Variants in BAZ1B observed in about 807,000 individuals in gnomAD.
The protein encoded by BAZ1B is tyrosine-protein kinase BAZ1B.
A neutral mutation model predicts 153.8 loss-of-function variants in BAZ1B; 22 were observed. The observed-to-expected ratio is 0.14, with a 90% confidence interval of 0.10 to 0.20. The LOEUF is 0.20. Ranked by LOEUF, BAZ1B falls within the 10% of genes least tolerant of loss-of-function variation. The pLI is 1.00. For synonymous variants in BAZ1B, 676 were observed against 633.4 expected (o/e 1.07, Z -1.01); for missense variants, 1,325 against 1,799.3 (o/e 0.74, Z 4.77).
chr7:73,485,331 G>A (rs1789361174), intron 6 of BAZ1B, among the ~76,000 whole-genome samples: 1 of 152,104 alleles, frequency 6.6e-6, no homozygotes, highest in African/African-American at 2.4e-5. Flanking sequence ...TATATAGACA[G>A]CAGATTAGGC....
At chr7:73,488,822 G>A (rs1323168097) in intron 6 of BAZ1B, among the ~76,000 whole-genome samples, 3 of 151,818 alleles carry the variant, frequency 2.0e-5, no homozygotes, top group Non-Finnish European at 2.9e-5. Flanking sequence ...TTTCAAGGCT[G>A]CCACTGTATG....
intron 12 of BAZ1B, among the ~76,000 whole-genome samples, chr7:73,460,106 T>C (rs182305876): frequency 1.1e-3 from 173 of 150,666 alleles, no homozygotes; most frequent in Admixed American, 1.6e-3. Context: ...GGAGAATCAC[T>C]TGAACCCGGG....
chr7:73,440,450 C>T lies in BAZ1B; in HGVS notation c.*1259G>A, dbSNP rs1787566359. 1 of 151,272 alleles carries T rather than the reference C, an allele frequency of 6.6e-6. No individual in the cohort carries two copies. The highest frequency in any genetic ancestry group is 1.5e-5 in the Non-Finnish European group (1 of 67,888). The allele number at this position is 151,272 out of a possible 1,614,324, so 9.4% of individuals were successfully genotyped here. A position where few individuals can be genotyped will look rare whatever the true frequency, so the allele number is the denominator to read the frequency against. ...AGTACATGAGGTTTATTTGAAATTC[C>T]AATTTATTACAAGTTCACCCTTTAA... is the stretch of plus-strand genomic sequence containing the variant. On this transcript the variant is annotated 3_prime_UTR_variant, in exon 20 of 20. Coordinates refer to ENST00000339594, the MANE Select transcript of BAZ1B (RefSeq NM_032408.4).
intron 1 of BAZ1B, among the ~76,000 whole-genome samples, chr7:73,512,027 T>TG (rs1790602874): frequency 3.8e-5 from 1 of 26,382 alleles, no homozygotes; most frequent in Non-Finnish European, 6.2e-5. Flanking sequence ...AAACTCCACC[T>TG]CAAAAAAAAA....
chr7:73,465,690 T>C (rs1165823115), intron 10 of BAZ1B, among the ~76,000 whole-genome samples, 153 bp from the exon 11 acceptor site: 2 of 152,138 alleles, frequency 1.3e-5, no homozygotes, highest in Non-Finnish European at 2.9e-5. Flanking sequence ...AATAAGTAAT[T>C]TACTATTTTC....
intron 13 of BAZ1B, 36 bp downstream of exon 13, chr7:73,459,500 C>G: frequency 1.9e-6 from 3 of 1,593,776 alleles, no homozygotes; most frequent in Admixed American, 1.8e-5. Flanking sequence ...AACTCATCTA[C>G]GGAATCATAA....
chr7:73,500,467 T>G (rs928549591), intron 3 of BAZ1B, among the ~76,000 whole-genome samples: 1 of 152,120 alleles, frequency 6.6e-6, no homozygotes, highest in African/African-American at 2.4e-5. Context: ...CACTTGAGCC[T>G]GGGACGTTGA....
At chr7:73,464,982 G>A (rs1788526943) in intron 11 of BAZ1B, among the ~76,000 whole-genome samples, 1 of 151,866 alleles carries the variant, frequency 6.6e-6, no homozygotes, top group African/African-American at 2.4e-5. Flanking sequence ...ACACTGGCCT[G>A]CCTTTACCTC....
rs544672480 is a variant in BAZ1B, at chr7:73,489,302, T to C, written c.783A>G (p.Ala261=). The stretch of plus-strand genomic sequence containing the variant: ...CATTTTCACCAGTACCAGCTCGTAA[T>C]GCATTATGCCGTATAAAGTATCGAA... ...EIVRYFIRHN[A]LRAGTGENAP... Residue 261 remains alanine (A), a synonymous_variant, in exon 6 of 20, where the codon GCA becomes GCG. Transcript: ENST00000339594. The C allele has an allele frequency of 1.2e-6, 2 of 1,614,224 alleles. No individual in the cohort carries two copies. The highest frequency in any genetic ancestry group is 2.2e-5 in the East Asian group (1 of 44,890).
At chr7:73,483,870 G>A (rs1480692856) in intron 6 of BAZ1B, among the ~76,000 whole-genome samples, 5 of 152,126 alleles carry the variant, frequency 3.3e-5, no homozygotes, top group African/African-American at 9.7e-5. Context: ...AAACTCATGG[G>A]CTCAAGCAAT....
At position 73,489,292 on chromosome 7, in the gene BAZ1B, C is replaced by G; in HGVS notation, c.793G>C (p.Gly265Arg). 6.2e-7 allele frequency: 1 copy of G among 1,614,140 alleles called. No individual in the cohort carries two copies. Among genetic ancestry groups the G allele is most frequent in the South Asian group, 1.1e-5 (1 of 91,078 alleles). Reference protein sequence around the residue: ...YFIRHNALRAGTGENAPWVVE... With the variant: ...YFIRHNALRARTGENAPWVVE... ...ACCCAAGGTGCATTTTCACCAGTAC[C>G]AGCTCGTAATGCATTATGCCGTATA... The change falls in exon 6 of 20, where the codon GGT becomes CGT. Residue 265 changes from glycine to arginine, a missense_variant. Around this residue, in one of 9 missense-constraint regions of BAZ1B, gnomAD observed 219 missense variants for 248.2 expected, o/e 0.88. Transcript: ENST00000339594.
intron 3 of BAZ1B, among the ~76,000 whole-genome samples, chr7:73,499,033 A>T (rs982314355): frequency 3.7e-4 from 56 of 150,282 alleles, no homozygotes; most frequent in Non-Finnish European, 5.8e-4. Flanking sequence ...ACTTATTATT[A>T]TTTTTTTTTT....
At position 73,442,753 on chromosome 7, in the gene BAZ1B, C is replaced by T. The variant is rs782559078; in HGVS notation, c.4066G>A (p.Val1356Met). ...AAGGGCCAGCTGAAGCGGTACTTCACGATCTTGTGGAGGATCTCTTCACAC... is the reference window on the plus strand; with the variant it reads ...AAGGGCCAGCTGAAGCGGTACTTCATGATCTTGTGGAGGATCTCTTCACAC... ...QKCEEILHKIVKYRFSWPFRE... is the reference protein window; with the variant it reads ...QKCEEILHKIMKYRFSWPFRE... Residue 1356 changes from valine to methionine, a missense_variant, in exon 18 of 20, where the codon GTG (valine) becomes ATG (methionine). Physicochemically the swap from Val to Met is conservative, Grantham distance 21. Transcript: ENST00000339594. 5 of 1,614,180 alleles carry T rather than the reference C, an allele frequency of 3.1e-6. No homozygotes were observed. The highest frequency in any genetic ancestry group is 4.2e-6 in the Non-Finnish European group (5 of 1,180,016).
intron 15 of BAZ1B, among the ~76,000 whole-genome samples, chr7:73,447,920 T>C (rs1249177666): frequency 5.9e-5 from 9 of 152,288 alleles, no homozygotes; most frequent in East Asian, 3.9e-4. Context: ...CAGAGCAACA[T>C]GTCTCATCTC....
At chr7:73,514,681 C>T (rs141829179) in intron 1 of BAZ1B, among the ~76,000 whole-genome samples, 19 of 152,238 alleles carry the variant, frequency 1.2e-4, no homozygotes, top group Admixed American at 9.2e-4. Flanking sequence ...TGGCACAGGC[C>T]TGTAGTTCCA....
chr7:73,461,440 G>T (rs1296649311), intron 12 of BAZ1B, among the ~76,000 whole-genome samples: 3 of 152,156 alleles, frequency 2.0e-5, no homozygotes, highest in African/African-American at 7.2e-5. Flanking sequence ...CCTAACGTCA[G>T]CAAGATATAG....
At chr7:73,456,725 T>G (rs1788214944) in intron 13 of BAZ1B, among the ~76,000 whole-genome samples, 1 of 151,832 alleles carries the variant, frequency 6.6e-6, no homozygotes, top group South Asian at 2.1e-4. Context: ...GCGGACCACC[T>G]GAGGTCAGGA....
At chr7:73,481,832 T>C (rs1436889370) in intron 6 of BAZ1B, among the ~76,000 whole-genome samples, 1 of 151,890 alleles carries the variant, frequency 6.6e-6, no homozygotes, top group Non-Finnish European at 1.5e-5. Flanking sequence ...GGTCAAGAGA[T>C]CGAGACCATC....
chr7:73,461,841 G>A (rs1478466952), intron 12 of BAZ1B, among the ~76,000 whole-genome samples: 1 of 152,204 alleles, frequency 6.6e-6, no homozygotes, highest in Non-Finnish European at 1.5e-5. Flanking sequence ...TATAATCCTA[G>A]CATTTTGAGA....
Sources: allele counts gnomAD v4.1 joint callset (sites outside exome capture counted in the v4.1 genomes callset), GRCh38; gene constraint gnomAD v4.1.1; regional missense constraint gnomAD v4.1.1; transcripts MANE v1.5; gene names NCBI Gene and HGNC (gene_info 2026-07-23, HGNC 2026-07-21).